CD86: variants seen among roughly 807,000 people sequenced by gnomAD.
CD86 encodes T-lymphocyte activation antigen CD86.
A neutral mutation model predicts 32.1 loss-of-function variants in CD86; 11 were observed. The observed-to-expected ratio is 0.34, with a 90% CI of 0.22 to 0.57. The LOEUF (loss-of-function observed/expected upper bound fraction) is 0.57. CD86 is among the 20% of genes least tolerant of loss of function. The pLI is 0.86. For synonymous variants in CD86, 137 were observed against 135.3 expected, an observed-to-expected ratio of 1.01 and a Z score of -0.09; for missense variants, 359 against 398.4, an observed-to-expected ratio of 0.90 and a Z score of 0.84.
chr3:122,101,514 ATATATATAT>A (rs1222279911), intron 2 of CD86, among the ~76,000 whole-genome samples: 1 of 16,946 alleles, frequency 5.9e-5, no homozygotes, highest in Non-Finnish European at 9.2e-5. Context: ...AAAAAAAAAA[ATATATATAT>A]ATATATATAT....
intron 1 of CD86, among the ~76,000 whole-genome samples, chr3:122,078,211 G>A (rs2072581584): frequency 6.6e-6 from 1 of 152,208 alleles, no homozygotes; most frequent in South Asian, 2.1e-4. Context: ...TTCTCAGATT[G>A]ACTACATTGG....
intron 6 of CD86, 87 bp downstream of exon 6, chr3:122,118,180 T>G: frequency 8.9e-7 from 1 of 1,127,498 alleles, no homozygotes; most frequent in Non-Finnish European, 1.3e-6. Flanking sequence ...CTAACATATG[T>G]TGAGACCTCA....
chr3:122,101,507 A>ATATATATATATATAT (rs1166770159), intron 2 of CD86, among the ~76,000 whole-genome samples: 2 of 79,776 alleles, frequency 2.5e-5, no homozygotes, highest in African/African-American at 1.1e-4. Flanking sequence ...AAAAAAAAAA[A>ATATATATATATATAT]AAAAAAATAT....
In CD86 at chr3:122,103,778, A is replaced by C; in HGVS notation, c.331A>C (p.Ile111Leu). Residue 111 changes from isoleucine (I) to leucine (L), a missense_variant, in exon 3 of 7, where the codon ATC becomes CTC. Coordinates refer to ENST00000330540, the MANE Select transcript of CD86 (RefSeq NM_175862.5). ...CAAGGACAAGGGCTTGTATCAATGTATCATCCATCACAAAAAGCCCACAGG... is the reference window on the plus strand; with the variant it reads ...CAAGGACAAGGGCTTGTATCAATGTCTCATCCATCACAAAAAGCCCACAGG... Reference protein sequence around the residue: ...QIKDKGLYQCIIHHKKPTGMI... With the variant: ...QIKDKGLYQCLIHHKKPTGMI... The C allele has an allele frequency of 6.2e-7, 1 of 1,614,058 alleles. No homozygotes were observed. Among genetic ancestry groups the C allele is most frequent in the Non-Finnish European group, 8.5e-7 (1 of 1,179,926 alleles).
At chr3:122,059,852 G>T (rs920072986) in intron 1 of CD86, among the ~76,000 whole-genome samples, 10 of 152,078 alleles carry the variant, frequency 6.6e-5, no homozygotes, top group African/African-American at 2.2e-4. Flanking sequence ...TGTAAGGAAG[G>T]GAAACACACA....
At chr3:122,093,336 G>A (rs2072855605) in intron 2 of CD86, among the ~76,000 whole-genome samples, 2 of 152,124 alleles carry the variant, frequency 1.3e-5, no homozygotes, top group South Asian at 4.2e-4. Context: ...TTATTTATTT[G>A]ATAAATGCAT....
intron 1 of CD86, among the ~76,000 whole-genome samples, chr3:122,069,338 G>A (rs1355469647): frequency 6.6e-6 from 1 of 152,036 alleles, no homozygotes; most frequent in Non-Finnish European, 1.5e-5. Flanking sequence ...GAATTTTAAG[G>A]TGTTATTGGA....
chr3:122,101,180 T>C (rs2107535347), intron 2 of CD86, among the ~76,000 whole-genome samples: 1 of 152,198 alleles, frequency 6.6e-6, no homozygotes, highest in South Asian at 2.1e-4. Flanking sequence ...TTTTCTGTGA[T>C]CCACTCTGGA....
At chr3:122,082,980 T>C (rs2072655519) in intron 1 of CD86, among the ~76,000 whole-genome samples, 2 of 152,228 alleles carry the variant, frequency 1.3e-5, no homozygotes. Flanking sequence ...AATAAATGAA[T>C]AAATCAAACA....
At position 122,103,756 on chromosome 3, in the gene CD86, G is replaced by A. The variant is rs1311695275; in HGVS notation, c.309G>A (p.Lys103=). 6.2e-7 allele frequency: 1 copy of A among 1,614,090 alleles called. No individual in the cohort carries two copies. The highest frequency in any genetic ancestry group is 1.7e-5 in the Admixed American group (1 of 60,020). ...WTLRLHNLQI[K]DKGLYQCIIH... ...TGAGACTTCACAATCTTCAGATCAAGGACAAGGGCTTGTATCAATGTATCA... is the reference window on the plus strand; with the variant it reads ...TGAGACTTCACAATCTTCAGATCAAAGACAAGGGCTTGTATCAATGTATCA... The change falls in exon 3 of 7, where the codon AAG becomes AAA. Residue 103 remains lysine (K), a synonymous_variant. Coordinates refer to ENST00000330540, the MANE Select transcript of CD86 (RefSeq NM_175862.5).
intron 1 of CD86, among the ~76,000 whole-genome samples, chr3:122,072,856 G>T (rs1576761900): frequency 1.3e-5 from 2 of 152,012 alleles, no homozygotes; most frequent in South Asian, 2.1e-4. Flanking sequence ...GGGTTTTTAT[G>T]GTTTTAGGTC....
At position 122,120,058 on chromosome 3, in the gene CD86, T is replaced by C. The variant is rs2073319375; in HGVS notation, c.*524T>C. On this transcript the variant is annotated 3_prime_UTR_variant, in exon 7 of 7. Transcript: ENST00000330540. ...TAGAGATCTATGTACTGTAATAGTG[T>C]GATTACTATGCTCTAGAGAAAAGTC... The C allele has an allele frequency of 6.5e-6, 1 of 153,144 alleles. No homozygotes were observed. Among genetic ancestry groups the C allele is most frequent in the Non-Finnish European group, 1.5e-5 (1 of 68,830 alleles). The allele number at this position is 153,144 out of a possible 1,614,324, so 9.5% of individuals were successfully genotyped here. A position where few individuals can be genotyped will look rare whatever the true frequency, so the allele number is the denominator to read the frequency against.
At chr3:122,084,449 T>G (rs1264652451) in intron 1 of CD86, among the ~76,000 whole-genome samples, 1 of 152,224 alleles carries the variant, frequency 6.6e-6, no homozygotes, top group Non-Finnish European at 1.5e-5. Flanking sequence ...TAGATAATAA[T>G]TTACAATAGA....
chr3:122,059,610 G>A (rs573795616), intron 1 of CD86, among the ~76,000 whole-genome samples: 2 of 152,128 alleles, frequency 1.3e-5, no homozygotes, highest in East Asian at 3.9e-4. Flanking sequence ...CATGGAAAGA[G>A]CATATTTACC....
At chr3:122,072,351 G>C (rs1240921409) in intron 1 of CD86, among the ~76,000 whole-genome samples, 1 of 151,360 alleles carries the variant, frequency 6.6e-6, no homozygotes, top group Non-Finnish European at 1.5e-5. Flanking sequence ...CACCAACAGT[G>C]TAAAAGTGTT....
intron 2 of CD86, among the ~76,000 whole-genome samples, chr3:122,098,660 C>T (rs1559908785): frequency 6.6e-6 from 1 of 152,084 alleles, no homozygotes; most frequent in African/African-American, 2.4e-5. Flanking sequence ...GAAACTAGAC[C>T]CGGGGACAAG....
intron 1 of CD86, among the ~76,000 whole-genome samples, chr3:122,079,256 T>C (rs1256325216): frequency 6.6e-6 from 1 of 152,206 alleles, no homozygotes; most frequent in Non-Finnish European, 1.5e-5. Context: ...TCTATTCTTC[T>C]TGAATTTCAT....
At chr3:122,119,116 T>A (rs1178820597) in intron 6 of CD86, among the ~76,000 whole-genome samples, 1 of 151,962 alleles carries the variant, frequency 6.6e-6, no homozygotes, top group African/African-American at 2.4e-5. Flanking sequence ...CCTTGGACAA[T>A]GAGAAAGGGT....
intron 4 of CD86, among the ~76,000 whole-genome samples, chr3:122,107,120 T>C (rs1429345847): frequency 1.3e-5 from 2 of 152,146 alleles, no homozygotes; most frequent in Non-Finnish European, 2.9e-5. Context: ...GGTAATGAGA[T>C]TTATGGGCAT....
Sources: allele counts gnomAD v4.1 joint callset (sites outside exome capture counted in the v4.1 genomes callset), GRCh38; gene constraint gnomAD v4.1.1; transcripts MANE v1.5; gene names NCBI Gene and HGNC (gene_info 2026-07-23, HGNC 2026-07-21).